Variants in CRYBG3 observed in about 807,000 individuals in gnomAD.
The protein encoded by CRYBG3 is crystallin beta-gamma domain containing 3, also known as very large A-kinase anchor protein.
Under a neutral mutation model 244.2 loss-of-function variants are expected in CRYBG3, and 127 were observed. The observed-to-expected ratio is 0.52, with a 90% confidence interval of 0.45 to 0.60. The LOEUF (loss-of-function observed/expected upper bound fraction) is 0.60. Ranked by LOEUF, CRYBG3 falls within the 20% of genes least tolerant of loss-of-function variation. CRYBG3 has a pLI of 0.00. For synonymous variants in CRYBG3, 1,132 were observed against 1,195.8 expected, an observed-to-expected ratio of 0.95 and a Z score of 1.10; for missense variants, 3,325 against 3,442.5, an observed-to-expected ratio of 0.97 and a Z score of 0.85.
rs1323549630 is a variant in CRYBG3, at chr3:97,944,971, G to A, written c.*1657G>A. The A allele has an allele frequency of 2.6e-6, 1 of 388,002 alleles. No homozygotes were observed. The highest frequency in any genetic ancestry group is 4.6e-6 in the Non-Finnish European group (1 of 217,824). 24.0% of individuals were successfully genotyped at this position (388,002 alleles called of 1,614,324 possible). On this transcript the variant is annotated 3_prime_UTR_variant, in exon 22 of 22. Coordinates refer to ENST00000389622, the MANE Select transcript of CRYBG3 (RefSeq NM_153605.4). ...AATAAACTTGTCAAAATATGGTTTT[G>A]TCATTTTCTGAGACACTTGGTAATT... is the stretch of plus-strand genomic sequence containing the variant.
intron 2 of CRYBG3, among the ~76,000 whole-genome samples, chr3:97,847,404 GA>G (rs1168496580): frequency 6.6e-6 from 1 of 152,092 alleles, no homozygotes; most frequent in Non-Finnish European, 1.5e-5. Context: ...GTGTGTAGTT[GA>G]AAAAAGCAAA....
chr3:97,889,929 G>A (rs1358490632), intron 10 of CRYBG3, among the ~76,000 whole-genome samples: 2 of 152,098 alleles, frequency 1.3e-5, no homozygotes, highest in Non-Finnish European at 2.9e-5. Context: ...GAATTACAAA[G>A]TATGTTTAGA....
In CRYBG3 at chr3:97,878,089, C is replaced by T. The variant is rs145062218; in HGVS notation, c.6843+52C>T. The T allele has an allele frequency of 2.9e-4, 415 of 1,444,280 alleles. 1 individual carries two copies. In the African/African-American group the frequency reaches 4.6e-3, roughly 16 times the overall value. The allele number at this position is 1,444,280 out of a possible 1,614,324, so 89.5% of individuals were successfully genotyped here. A position where few individuals can be genotyped will look rare whatever the true frequency, so the allele number is the denominator to read the frequency against. ...TAATAGTTATTAAAGCTTTGGGTCA[C>T]GAAATTATCTAAAGGCTTATTAAGA... is the stretch of plus-strand genomic sequence containing the variant. On this transcript the variant is annotated intron_variant, in intron 4 of 21. Coordinates refer to ENST00000389622, the MANE Select transcript of CRYBG3 (RefSeq NM_153605.4).
intron 21 of CRYBG3, chr3:97,942,908 G>A (rs1484760793): frequency 1.1e-5 from 3 of 278,506 alleles, no homozygotes; most frequent in South Asian, 6.4e-5. Flanking sequence ...TTTTGTTGGT[G>A]TAGAAACAAA....
chr3:97,886,555 G>A, intron 7 of CRYBG3, 76 bp from the exon 8 acceptor site: 1 of 1,140,856 alleles, frequency 8.8e-7, no homozygotes, highest in Admixed American at 2.5e-5. Context: ...CAGTGTAACT[G>A]TATGTCCAGG....
intron 1 of CRYBG3, among the ~76,000 whole-genome samples, chr3:97,831,466 A>G (rs1482347267): frequency 6.6e-6 from 1 of 152,152 alleles, no homozygotes; most frequent in Non-Finnish European, 1.5e-5. Flanking sequence ...CAAAAGACGA[A>G]GGTGGGATTC....
rs79209752 is a variant in CRYBG3 at position 97,904,000 on chromosome 3, G to C, written c.8004+3515G>C. 5.3e-5 allele frequency among the ~76,000 whole-genome samples: 8 copies of C among 152,152 alleles called. 1 individual carries two copies. The highest frequency in any genetic ancestry group is 1.2e-4 in the Non-Finnish European group (8 of 67,988). On this transcript the variant is annotated intron_variant, in intron 15 of 21. Transcript: ENST00000389622. ...CATCTCTTATTTGTCAATTTGCCTC[G>C]GTTTTAAGCAACCTGAGTTGTTTTG...
At chr3:97,887,395 G>T (rs1159311851) in intron 8 of CRYBG3, among the ~76,000 whole-genome samples, 3 of 152,114 alleles carry the variant, frequency 2.0e-5, no homozygotes, top group Non-Finnish European at 4.4e-5. Context: ...ATGATGGTTG[G>T]TATACAATTC....
intron 16 of CRYBG3, among the ~76,000 whole-genome samples, chr3:97,915,201 A>T (rs577180737): frequency 6.6e-6 from 1 of 152,306 alleles, no homozygotes; most frequent in African/African-American, 2.4e-5. Flanking sequence ...AGAGTGCTAT[A>T]CTTGAAGGCA....
At chr3:97,915,861 A>AAT in intron 17 of CRYBG3, 125 bp downstream of exon 17, 1 of 768,002 alleles carries the variant, frequency 1.3e-6, no homozygotes, top group Non-Finnish European at 1.9e-6. Flanking sequence ...AAAAATATGA[A>AAT]TAATTCATTT....
At chr3:97,858,961 G>A (rs932552151) in intron 2 of CRYBG3, among the ~76,000 whole-genome samples, 1 of 144,614 alleles carries the variant, frequency 6.9e-6, no homozygotes, top group South Asian at 2.2e-4. Flanking sequence ...AGTAGCTTTT[G>A]TAGGGAAAGA....
Position 97,874,909 on chromosome 3 carries a change from CT to C in CRYBG3, c.3716del (p.Leu1239ArgfsTer13). On this transcript the variant is annotated frameshift_variant, in exon 4 of 22. Coordinates refer to ENST00000389622, the MANE Select transcript of CRYBG3 (RefSeq NM_153605.4). LOFTEE classifies it high-confidence loss of function. ...AIEGIMNLGT[L>X]KEDISEKNPS... is the part of the protein sequence containing the mutation. ...AGAAGGTATAATGAATCTGGGTACC[CT>C]GAAAGAAGACATCTCTGAGAAAAAC... is the stretch of plus-strand genomic sequence containing the variant. 2 of 1,535,364 alleles carry C rather than the reference CT, an allele frequency of 1.3e-6. No homozygotes were observed. Among genetic ancestry groups the C allele is most frequent in the Non-Finnish European group, 1.7e-6 (2 of 1,146,668 alleles).
Position 97,877,003 on chromosome 3 carries a change from T to A in CRYBG3, c.5809T>A (p.Leu1937Ile). ...TYFRGYESPT[L>I]SKDYEGYPAP... Reference sequence around the variant, plus strand: ...TTTCAGGGGATATGAATCCCCTACATTAAGTAAGGATTATGAGGGCTACCC... The same window carrying A: ...TTTCAGGGGATATGAATCCCCTACAATAAGTAAGGATTATGAGGGCTACCC... Residue 1937 changes from leucine (L) to isoleucine (I), a missense_variant, in exon 4 of 22, where the codon TTA becomes ATA. Leu to Ile is a conservative substitution (Grantham distance 5, BLOSUM62 2). Transcript: ENST00000389622. The A allele has an allele frequency of 6.5e-7, 1 of 1,529,794 alleles. No individual in the cohort carries two copies. Among genetic ancestry groups the A allele is most frequent in the Non-Finnish European group, 8.8e-7 (1 of 1,141,916 alleles). 94.8% of individuals were successfully genotyped at this position (1,529,794 alleles called of 1,614,324 possible).
chr3:97,854,820 T>C (rs2039041642), intron 2 of CRYBG3, among the ~76,000 whole-genome samples: 1 of 152,096 alleles, frequency 6.6e-6, no homozygotes, highest in Non-Finnish European at 1.5e-5. Context: ...TTTGACTTCC[T>C]CTATACGAAT....
chr3:97,942,253 C>T (rs2107114090), intron 20 of CRYBG3, 31 bp from the exon 21 acceptor site: 3 of 1,568,562 alleles, frequency 1.9e-6, no homozygotes, highest in South Asian at 1.2e-5. Context: ...AAACATACTA[C>T]TGCCAATTAA....
At position 97,876,398 on chromosome 3, in the gene CRYBG3, G is replaced by C. The variant is rs80281323; in HGVS notation, c.5204G>C (p.Arg1735Thr). 62 of 1,232,060 alleles carry C rather than the reference G, an allele frequency of 5.0e-5. 1 individual carries two copies. The East Asian group carries it at 1.9e-3, about 38-fold the overall frequency. The allele number at this position is 1,232,060 out of a possible 1,614,324, so 76.3% of individuals were successfully genotyped here. ...GGAAAGGCTGAAGTGATGCCTGTGA[G>C]GTTAGAAATGGAAAATACTTACCCA... is the stretch of plus-strand genomic sequence containing the variant. The part of the protein sequence containing the change: ...DIGKAEVMPV[R>T]LEMENTYPKD... Residue 1735 changes from arginine to threonine, a missense_variant, in exon 4 of 22, where the codon AGG (arginine) becomes ACG (threonine). Transcript: ENST00000389622.
At chr3:97,860,980 C>G (rs1004874756) in intron 2 of CRYBG3, among the ~76,000 whole-genome samples, 2 of 152,046 alleles carry the variant, frequency 1.3e-5, no homozygotes, top group Non-Finnish European at 2.9e-5. Context: ...GTTCATTGCC[C>G]TACCTGCCAC....
chr3:97,856,683 T>G (rs1054022854), intron 2 of CRYBG3, among the ~76,000 whole-genome samples: 1 of 152,036 alleles, frequency 6.6e-6, no homozygotes, highest in East Asian at 1.9e-4. Context: ...TTCCTCTAGG[T>G]TTTTTTTGTT....
chr3:97,872,346 A>ACTTCC lies in CRYBG3; in HGVS notation c.1152_1153insCTTCC (p.Thr385LeufsTer19). On this transcript the variant is annotated frameshift_variant, in exon 4 of 22. Coordinates refer to ENST00000389622, the MANE Select transcript of CRYBG3 (RefSeq NM_153605.4). LOFTEE classifies it high-confidence loss of function. ...GAAATTTGGTATGTTCAGCATTGTT[A>ACTTCC]ACAGGAAGTAACCATCGCAAAGTCC... 6.5e-7 allele frequency: 1 copy of ACTTCC among 1,536,000 alleles called. No homozygotes were observed. The highest frequency in any genetic ancestry group is 8.7e-7 in the Non-Finnish European group (1 of 1,146,824).
Sources: allele counts gnomAD v4.1 joint callset (sites outside exome capture counted in the v4.1 genomes callset), GRCh38; gene constraint gnomAD v4.1.1; transcripts MANE v1.5; gene names NCBI Gene and HGNC (gene_info 2026-07-23, HGNC 2026-07-21).